The following CFAP144 variants were observed in gnomAD, a reference collection of about 807,000 sequenced individuals.
CFAP144 encodes cilia and flagella associated protein 144, also known as cilia- and flagella-associated protein 144.
At chr1:43,153,548 G>A in the CFAP144 span, among the ~76,000 whole-genome samples, 1 of 152,078 alleles carries the variant, frequency 6.6e-6, no homozygotes, top group East Asian at 1.9e-4. Flanking sequence ...GGCGGAGGTT[G>A]CAGTGGGCCG....
chr1:43,143,649 G>A, the CFAP144 span, among the ~76,000 whole-genome samples: 1 of 152,172 alleles, frequency 6.6e-6, no homozygotes, highest in Non-Finnish European at 1.5e-5. Flanking sequence ...TCCAAATCTA[G>A]TCGTTAGGCA....
chr1:43,153,712 TGTGA>T, the CFAP144 span, among the ~76,000 whole-genome samples: 2 of 151,462 alleles, frequency 1.3e-5, no homozygotes, highest in East Asian at 1.9e-4. Flanking sequence ...AAAATGGACG[TGTGA>T]GTAAGGGTCC....
chr1:43,156,333 A>C, the CFAP144 span: 4 of 1,567,982 alleles, frequency 2.6e-6, no homozygotes, highest in South Asian at 4.4e-5. Flanking sequence ...GGATGAGCCC[A>C]TCTGTGGATC....
chr1:43,145,368 C>T, the CFAP144 span: 2 of 1,182,632 alleles, frequency 1.7e-6, no homozygotes, highest in Non-Finnish European at 2.5e-6. Context: ...GGCACAAGGT[C>T]CCTGCTGTAG....
the CFAP144 span, among the ~76,000 whole-genome samples, chr1:43,154,098 A>G: frequency 3.4e-5 from 4 of 119,208 alleles, no homozygotes; most frequent in African/African-American, 1.3e-4. Flanking sequence ...ATATATATAT[A>G]TACTCTCTTT....
chr1:43,144,353 A>G, the CFAP144 span, among the ~76,000 whole-genome samples: 1 of 152,098 alleles, frequency 6.6e-6, no homozygotes, highest in African/African-American at 2.4e-5. Context: ...CAGTTAGGGG[A>G]TGATGTGAGG....
chr1:43,147,976 G>T, the CFAP144 span: 4 of 1,613,966 alleles, frequency 2.5e-6, no homozygotes, highest in South Asian at 2.2e-5. Flanking sequence ...AAAAGAGAAG[G>T]TGATTCCAGA....
chr1:43,156,092 T>G, the CFAP144 span: 1 of 826,734 alleles, frequency 1.2e-6, no homozygotes. Flanking sequence ...CATTCCGCAA[T>G]GCAGCCACAG....
the CFAP144 span, among the ~76,000 whole-genome samples, chr1:43,146,754 G>C: frequency 6.6e-6 from 1 of 152,220 alleles, no homozygotes; most frequent in Non-Finnish European, 1.5e-5. Context: ...AATGAATGAA[G>C]TACTGAGTGG....
the CFAP144 span, among the ~76,000 whole-genome samples, chr1:43,144,728 C>G: frequency 6.6e-6 from 1 of 152,128 alleles, no homozygotes; most frequent in Non-Finnish European, 1.5e-5. Context: ...CTGCTGCCAC[C>G]ACGTTCATCA....
the CFAP144 span, chr1:43,150,658 C>A: frequency 2.1e-6 from 2 of 958,082 alleles, no homozygotes; most frequent in Non-Finnish European, 1.6e-6. Flanking sequence ...GTACCAGATA[C>A]TCAGTGAGTG....
chr1:43,154,060 G>GTA, the CFAP144 span, among the ~76,000 whole-genome samples: 266 of 71,736 alleles, frequency 3.7e-3, 4 homozygotes, highest in African/African-American at 0.011. Context: ...ATATATGTGT[G>GTA]TGTATATATA....
At chr1:43,154,062 G>GTATATATATATATA in the CFAP144 span, among the ~76,000 whole-genome samples, 4 of 83,662 alleles carry the variant, frequency 4.8e-5, no homozygotes, top group South Asian at 4.3e-4. Flanking sequence ...ATATGTGTGT[G>GTATATATATATATA]TATATATATA....
the CFAP144 span, among the ~76,000 whole-genome samples, chr1:43,151,006 T>TA: frequency 8.6e-5 from 13 of 151,902 alleles, no homozygotes; most frequent in Admixed American, 3.3e-4. Context: ...GTAGATAGAA[T>TA]AAAAAAAATA....
chr1:43,156,162 G>T, the CFAP144 span: 14 of 1,564,168 alleles, frequency 9.0e-6, no homozygotes, highest in Non-Finnish European at 1.2e-5. Flanking sequence ...AGGTCCTCCT[G>T]CATCCTCACA....
the CFAP144 span, chr1:43,152,694 G>A: frequency 1.4e-5 from 13 of 907,688 alleles, no homozygotes; most frequent in Non-Finnish European, 2.1e-5. Flanking sequence ...AGACACCCTG[G>A]TCTTGAGGCT....
chr1:43,151,837 G>T, the CFAP144 span, among the ~76,000 whole-genome samples: 1 of 152,152 alleles, frequency 6.6e-6, no homozygotes, highest in Admixed American at 6.5e-5. Flanking sequence ...AATAGAGAGG[G>T]CATCATCACA....
the CFAP144 span, among the ~76,000 whole-genome samples, chr1:43,154,060 GTGTATATATATATATATA>G: frequency 0.11 from 7,695 of 71,746 alleles, 808 homozygotes; most frequent in African/African-American, 0.33. Flanking sequence ...ATATATGTGT[GTGTATATATATATATATA>G]TATATATATA....
At chr1:43,155,190 G>A in the CFAP144 span, among the ~76,000 whole-genome samples, 1 of 152,176 alleles carries the variant, frequency 6.6e-6, no homozygotes, top group African/African-American at 2.4e-5. Context: ...TGAAGGATGG[G>A]GTGTTTGTGT....
Sources: gnomAD v4.1 joint callset for allele counts (sites outside exome capture counted in the v4.1 genomes callset) on GRCh38, gnomAD v4.1.1 for gene constraint, MANE v1.5 for transcripts, NCBI Gene and HGNC (gene_info 2026-07-23, HGNC 2026-07-21) for gene names.